The following RARB variants were observed in gnomAD, a reference collection of about 807,000 sequenced individuals.
RARB encodes HBV-activated protein.
RARB carries 17 observed loss-of-function variants against 51.9 expected under a neutral mutation model. The ratio of observed to expected loss-of-function variants is 0.33; its 90% CI spans 0.22 to 0.49. RARB has a LOEUF of 0.49. Ranked by LOEUF, RARB falls within the 20% of genes least tolerant of loss-of-function variation. RARB has a pLI of 0.99. For synonymous variants in RARB, 215 were observed against 195.4 expected (o/e 1.10, Z -0.84); for missense variants, 369 against 550.8 (o/e 0.67, Z 3.30).
chr3:24,861,122 T>C lies in RARB; in HGVS notation c.-380+2370T>C, dbSNP rs1702741149. On this transcript the variant is annotated intron_variant, in intron 2 of 11. Coordinates refer to the RARB transcript ENST00000383772. ...GCCACCACCAATGGAAAACATTTGGTGGGGGCAGGAAGTATCTGTACTGAA... is the reference window on the plus strand; with the variant it reads ...GCCACCACCAATGGAAAACATTTGGCGGGGGCAGGAAGTATCTGTACTGAA... Among the ~76,000 whole-genome samples the C allele has an allele frequency of 1.3e-5, 2 of 152,148 alleles. 1 individual carries two copies. The highest frequency in any genetic ancestry group is 4.1e-4 in the South Asian group (2 of 4,828).
chr3:25,087,353 A>C (rs552052798), intron 3 of RARB, among the ~76,000 whole-genome samples: 2 of 152,184 alleles, frequency 1.3e-5, no homozygotes, highest in African/African-American at 4.8e-5. Context: ...TCAGGTTTTG[A>C]AGGATATATA....
chr3:25,212,168 CTATTTT>C (rs1049449701), intron 5 of RARB, among the ~76,000 whole-genome samples: 5 of 152,066 alleles, frequency 3.3e-5, no homozygotes, highest in Non-Finnish European at 7.4e-5. Flanking sequence ...TACCTAAACT[CTATTTT>C]TATTTTTATG....
chr3:25,016,649 G>A (rs544486239), intron 2 of RARB, among the ~76,000 whole-genome samples: 9 of 152,192 alleles, frequency 5.9e-5, no homozygotes, highest in African/African-American at 9.6e-5. Context: ...AACTTTATCT[G>A]GGGGAACGTA....
intron 1 of RARB, among the ~76,000 whole-genome samples, chr3:25,443,538 G>A (rs748246424): frequency 3.8e-4 from 58 of 151,818 alleles, no homozygotes; most frequent in Non-Finnish European, 7.1e-4. Flanking sequence ...CTTAAAACCC[G>A]GGAGGCGGAG....
Position 25,181,506 on chromosome 3 carries a change from G to A in RARB, c.178+6931G>A, listed in dbSNP as rs115878736. Among the ~76,000 whole-genome samples, 1,358 of 152,166 alleles carry A rather than the reference G, an allele frequency of 8.9e-3. 13 individuals carry two copies. Among genetic ancestry groups the A allele is most frequent in the African/African-American group, 0.027 (1,102 of 41,504 alleles). ...TTTGAGTGCCATGCTCATTGGGAGCGCTGTAGAGATTTAGTGGGCAGAAGC... is the reference window on the plus strand; with the variant it reads ...TTTGAGTGCCATGCTCATTGGGAGCACTGTAGAGATTTAGTGGGCAGAAGC... On this transcript the variant is annotated intron_variant, in intron 5 of 11. Transcript: ENST00000383772.
At chr3:25,300,870 G>T (rs1013032479) in intron 5 of RARB, among the ~76,000 whole-genome samples, 1 of 152,118 alleles carries the variant, frequency 6.6e-6, no homozygotes, top group Non-Finnish European at 1.5e-5. Context: ...GGTGGCGGGT[G>T]CCTGTAATCC....
intron 1 of RARB, among the ~76,000 whole-genome samples, chr3:24,856,227 C>CA (rs1347725761): frequency 6.6e-6 from 1 of 152,096 alleles, no homozygotes; most frequent in African/African-American, 2.4e-5. Context: ...GACCTTCCCC[C>CA]AAATGAGCCA....
intron 5 of RARB, among the ~76,000 whole-genome samples, chr3:25,372,571 C>G (rs771967492): frequency 2.0e-5 from 3 of 152,288 alleles, no homozygotes; most frequent in Middle Eastern, 3.4e-3. Flanking sequence ...ACTGTAATCC[C>G]AGCACTTTGG....
chr3:25,436,425 T>A (rs537076552), intron 1 of RARB, among the ~76,000 whole-genome samples: 2 of 152,244 alleles, frequency 1.3e-5, no homozygotes, highest in Non-Finnish European at 2.9e-5. Flanking sequence ...TCTGGAGTAC[T>A]TTATGTGATC....
intron 4 of RARB, among the ~76,000 whole-genome samples, chr3:25,152,641 A>G (rs538951975): frequency 6.6e-6 from 1 of 152,310 alleles, no homozygotes; most frequent in South Asian, 2.1e-4. Context: ...ACATACATAC[A>G]TACATACACA....
At chr3:25,586,186 TCTC>T (rs1489118847) in intron 5 of RARB, among the ~76,000 whole-genome samples, 1 of 152,068 alleles carries the variant, frequency 6.6e-6, no homozygotes, top group Non-Finnish European at 1.5e-5. Context: ...CCCACCCTCT[TCTC>T]CTCATGTTCT....
chr3:25,100,562 T>C (rs1699380814), intron 3 of RARB, among the ~76,000 whole-genome samples: 1 of 152,194 alleles, frequency 6.6e-6, no homozygotes, highest in Non-Finnish European at 1.5e-5. Flanking sequence ...GTAGTATAAC[T>C]AAGCAAATAG....
intron 1 of RARB, among the ~76,000 whole-genome samples, chr3:24,841,172 T>C (rs1432408165): frequency 1.3e-5 from 2 of 152,246 alleles, no homozygotes; most frequent in Non-Finnish European, 2.9e-5. Flanking sequence ...TTGAACTTTA[T>C]TGTATACTCA....
At chr3:25,342,969 GA>G (rs1295574897) in intron 5 of RARB, among the ~76,000 whole-genome samples, 1 of 150,556 alleles carries the variant, frequency 6.6e-6, no homozygotes, top group Non-Finnish European at 1.5e-5. Context: ...GGGGGGAGGG[GA>G]AAAGTATTCA....
chr3:25,157,012 G>A (rs1700385668), intron 4 of RARB, among the ~76,000 whole-genome samples: 2 of 152,292 alleles, frequency 1.3e-5, no homozygotes, highest in Admixed American at 6.5e-5. Flanking sequence ...TCATACGTTT[G>A]TCATTTTCTT....
At chr3:25,448,922 A>G (rs972047733) in intron 1 of RARB, among the ~76,000 whole-genome samples, 3 of 152,052 alleles carry the variant, frequency 2.0e-5, no homozygotes, top group African/African-American at 7.2e-5. Context: ...TTGGGAAAAG[A>G]GTCATTCAGC....
chr3:25,133,858 AT>A (rs1699991694), intron 4 of RARB, among the ~76,000 whole-genome samples: 1 of 151,796 alleles, frequency 6.6e-6, no homozygotes, highest in African/African-American at 2.4e-5. Flanking sequence ...AAAAATGAGT[AT>A]AAAAGTCATA....
At chr3:25,302,446 G>A (rs1000420707) in intron 5 of RARB, among the ~76,000 whole-genome samples, 18 of 152,224 alleles carry the variant, frequency 1.2e-4, no homozygotes, top group East Asian at 3.9e-4. Context: ...ATGAAGTGCC[G>A]ATACATGTTA....
chr3:25,397,504 CCA>C (rs1707148632), intron 5 of RARB, among the ~76,000 whole-genome samples: 1 of 152,210 alleles, frequency 6.6e-6, no homozygotes, highest in Admixed American at 6.5e-5. Context: ...GTGTGAGTCT[CCA>C]CACACTGTTC....
Sources: allele counts gnomAD v4.1 joint callset (sites outside exome capture counted in the v4.1 genomes callset), GRCh38; gene constraint gnomAD v4.1.1; transcripts MANE v1.5; gene names NCBI Gene and HGNC (gene_info 2026-07-23, HGNC 2026-07-21).